The following COA3 variants were observed in gnomAD, a reference collection of about 807,000 sequenced individuals.
The protein encoded by COA3 is cytochrome c oxidase assembly factor 3 homolog, mitochondrial.
COA3 carries 10 observed loss-of-function variants against 10.1 expected under a neutral mutation model. The ratio of observed to expected loss-of-function variants is 0.99; its 90% CI spans 0.61 to 1.67. The LOEUF (loss-of-function observed/expected upper bound fraction) is 1.67. Among genes scored for constraint, COA3 ranks in the 40% most tolerant of loss-of-function variants. The pLI is 0.00. For missense variants in COA3, 142 were observed against 140.7 expected (o/e 1.01, Z -0.05); for synonymous variants, 57 against 63.1 (o/e 0.90, Z 0.46).
In COA3 at chr17:42,798,062, T is replaced by A; in HGVS notation, c.320A>T (p.Ter107LeuextTer22). Residue 107 changes from the stop codon to leucine (L), a stop_lost, in exon 2 of 2, where the codon TAA (stop) becomes TTA (leucine). Transcript: ENST00000328434. ...GGACATGATCAATACCCATCCAGATTAGGACCCTGACGCCCTTGCCAGAGC... is the reference window on the plus strand; with the variant it reads ...GGACATGATCAATACCCATCCAGATAAGGACCCTGACGCCCTTGCCAGAGC... Reference protein sequence around the residue: ...ARALARASGS* With the variant: ...ARALARASGSL The A allele has an allele frequency of 6.2e-7, 1 of 1,612,904 alleles. No homozygotes were observed. The highest frequency in any genetic ancestry group is 8.5e-7 in the Non-Finnish European group (1 of 1,178,986).
chr17:42,798,307 C>G, intron 1 of COA3, 140 bp from the exon 2 acceptor site: 1 of 934,068 alleles, frequency 1.1e-6, no homozygotes, highest in Non-Finnish European at 1.6e-6. Context: ...ACCCCAATTC[C>G]GTTATTATTA....
intron 1 of COA3, 69 bp from the exon 2 acceptor site, chr17:42,798,236 T>TCTTG (rs2054708227): frequency 8.5e-7 from 1 of 1,182,166 alleles, no homozygotes; most frequent in African/African-American, 1.5e-5. Context: ...GCTCTACCAC[T>TCTTG]CTTGTTACTC....
Position 42,797,744 on chromosome 17 carries a change from G to C in COA3, c.*317C>G, listed in dbSNP as rs1597907027. 7.9e-6 allele frequency: 2 copies of C among 252,656 alleles called. No individual in the cohort carries two copies. Among genetic ancestry groups the C allele is most frequent in the East Asian group, 1.8e-4 (2 of 10,966 alleles). The allele number at this position is 252,656 out of a possible 1,614,324, so 15.7% of individuals were successfully genotyped here. A position where few individuals can be genotyped will look rare whatever the true frequency, so the allele number is the denominator to read the frequency against. ...CTAACCTCGTAACAACTGCGTCCCTGGAAGGTGAAGGGGGTAAACCACAAA... is the reference window on the plus strand; with the variant it reads ...CTAACCTCGTAACAACTGCGTCCCTCGAAGGTGAAGGGGGTAAACCACAAA... On this transcript the variant is annotated 3_prime_UTR_variant, in exon 2 of 2. Coordinates refer to ENST00000328434, the MANE Select transcript of COA3 (RefSeq NM_001040431.3).
Position 42,797,955 on chromosome 17 carries a change from A to C in COA3, c.*106T>G. On this transcript the variant is annotated 3_prime_UTR_variant, in exon 2 of 2. Coordinates refer to ENST00000328434, the MANE Select transcript of COA3 (RefSeq NM_001040431.3). ...CAATCACGGTCCAAGGTTAGTAAGA[A>C]GGCCAACAATGTTGTGAGCAGGATT... 1 of 746,806 alleles carries C rather than the reference A, an allele frequency of 1.3e-6. No homozygotes were observed. The highest frequency in any genetic ancestry group is 2.2e-6 in the Non-Finnish European group (1 of 444,596). The allele number at this position is 746,806 out of a possible 1,614,324, so 46.3% of individuals were successfully genotyped here. A position where few individuals can be genotyped will look rare whatever the true frequency, so the allele number is the denominator to read the frequency against.
chr17:42,798,618 G>A lies in COA3; in HGVS notation c.64C>T (p.Arg22Cys). The change falls in exon 1 of 2, where the codon CGT becomes TGT. Residue 22 changes from arginine to cysteine, a missense_variant. By Grantham distance (180) the Arg-to-Cys change is radical (BLOSUM62 -3). Coordinates refer to ENST00000328434, the MANE Select transcript of COA3 (RefSeq NM_001040431.3). ...SKRGEAPFAQRIDPTREKLTP... is the reference protein window; with the variant it reads ...SKRGEAPFAQCIDPTREKLTP... ...AGCTTCTCCCGAGTCGGGTCGATAC[G>A]CTGAGCGAACGGGGCCTCTCCACGC... 1 of 1,614,164 alleles carries A rather than the reference G, an allele frequency of 6.2e-7. No homozygotes were observed. Among genetic ancestry groups the A allele is most frequent in the Non-Finnish European group, 8.5e-7 (1 of 1,180,036 alleles).
chr17:42,798,424 G>A (rs1412812242), intron 1 of COA3, 44 bp downstream of exon 1: 15 of 1,587,574 alleles, frequency 9.4e-6, no homozygotes, highest in African/African-American at 1.3e-5. Flanking sequence ...CTGTTCCCCT[G>A]CCCCTATATG....
At position 42,797,879 on chromosome 17, in the gene COA3, T is replaced by G; in HGVS notation, c.*182A>C. ...CACAGCAAGTGTGCAGTGGGCAAAG[T>G]TCTGTTCTTTTGACATTGGCCAAAT... On this transcript the variant is annotated 3_prime_UTR_variant, in exon 2 of 2. Coordinates refer to ENST00000328434, the MANE Select transcript of COA3 (RefSeq NM_001040431.3). 1.8e-6 allele frequency: 1 copy of G among 562,310 alleles called. No homozygotes were observed. The highest frequency in any genetic ancestry group is 3.2e-6 in the Non-Finnish European group (1 of 315,734). The allele number at this position is 562,310 out of a possible 1,614,324, so 34.8% of individuals were successfully genotyped here.
In COA3 at chr17:42,797,738, G is replaced by A. The variant is rs529266679; in HGVS notation, c.*323C>T. The A allele has an allele frequency of 4.1e-5, 10 of 242,772 alleles. No homozygotes were observed. The highest frequency in any genetic ancestry group is 3.5e-4 in the South Asian group (5 of 14,156). 15.0% of individuals were successfully genotyped at this position (242,772 alleles called of 1,614,324 possible). A position where few individuals can be genotyped will look rare whatever the true frequency, so the allele number is the denominator to read the frequency against. ...CCACGTCTAACCTCGTAACAACTGCGTCCCTGGAAGGTGAAGGGGGTAAAC... is the reference window on the plus strand; with the variant it reads ...CCACGTCTAACCTCGTAACAACTGCATCCCTGGAAGGTGAAGGGGGTAAAC... On this transcript the variant is annotated 3_prime_UTR_variant, in exon 2 of 2. Transcript: ENST00000328434.
rs533617789 is a variant in COA3 at position 42,797,749 on chromosome 17, G to A, written c.*312C>T. On this transcript the variant is annotated 3_prime_UTR_variant, in exon 2 of 2. Transcript: ENST00000328434. ...CTCGTAACAACTGCGTCCCTGGAAG[G>A]TGAAGGGGGTAAACCACAAAGTCAG... The A allele has an allele frequency of 1.3e-4, 33 of 262,080 alleles. No homozygotes were observed. The South Asian group carries it at 2.1e-3, about 17-fold the overall frequency. 16.2% of individuals were successfully genotyped at this position (262,080 alleles called of 1,614,324 possible). A position where few individuals can be genotyped will look rare whatever the true frequency, so the allele number is the denominator to read the frequency against.
At position 42,798,620 on chromosome 17, in the gene COA3, T is replaced by G. The variant is rs1189388499; in HGVS notation, c.62A>C (p.Gln21Pro). The change falls in exon 1 of 2, where the codon CAG becomes CCG. Residue 21 changes from glutamine to proline, a missense_variant. Transcript: ENST00000328434. ...DSKRGEAPFA[Q>P]RIDPTREKLT... ...CTTCTCCCGAGTCGGGTCGATACGC[T>G]GAGCGAACGGGGCCTCTCCACGCTT... The G allele has an allele frequency of 3.7e-6, 6 of 1,614,056 alleles. No individual in the cohort carries two copies. The highest frequency in any genetic ancestry group is 5.1e-6 in the Non-Finnish European group (6 of 1,180,040).
At position 42,798,658 on chromosome 17, in the gene COA3, G is replaced by A. The variant is rs1303756733; in HGVS notation, c.24C>T (p.Asp8=). The A allele has an allele frequency of 2.0e-5, 32 of 1,613,006 alleles. No individual in the cohort carries two copies. The highest frequency in any genetic ancestry group is 2.6e-5 in the Non-Finnish European group (31 of 1,179,168). The part of the protein sequence containing the change: MASSGAG[D]PLDSKRGEAP... Reference sequence around the variant, plus strand: ...CCTCTCCACGCTTAGAATCCAGAGGGTCACCAGCTCCCGAAGACGCCATGT... The same window carrying A: ...CCTCTCCACGCTTAGAATCCAGAGGATCACCAGCTCCCGAAGACGCCATGT... Residue 8 remains aspartate (D), a synonymous_variant, in exon 1 of 2, where the codon GAC becomes GAT. Coordinates refer to ENST00000328434, the MANE Select transcript of COA3 (RefSeq NM_001040431.3).
chr17:42,798,197 G>A, intron 1 of COA3, 30 bp from the exon 2 acceptor site: 1 of 1,441,322 alleles, frequency 6.9e-7, no homozygotes. Context: ...AAACCACACA[G>A]AATATGCACA....
In COA3 at chr17:42,798,073, C is replaced by T. The variant is rs753897220; in HGVS notation, c.309G>A (p.Ala103=). The part of the protein sequence containing the change: ...KAARARALAR[A]SGS ...ATACCCATCCAGATTAGGACCCTGA[C>T]GCCCTTGCCAGAGCTCGGGCTCGGG... Residue 103 remains alanine, a synonymous_variant, in exon 2 of 2, where the codon GCG becomes GCA. Coordinates refer to ENST00000328434, the MANE Select transcript of COA3 (RefSeq NM_001040431.3). 5 of 1,613,820 alleles carry T rather than the reference C, an allele frequency of 3.1e-6. No individual in the cohort carries two copies. Among genetic ancestry groups the T allele is most frequent in the South Asian group, 1.1e-5 (1 of 91,060 alleles).
rs779330377 is a variant in COA3, at chr17:42,798,158, G to A, written c.224C>T (p.Thr75Ile). 6 of 1,613,114 alleles carry A rather than the reference G, an allele frequency of 3.7e-6. No individual in the cohort carries two copies. The highest frequency in any genetic ancestry group is 5.1e-6 in the Non-Finnish European group (6 of 1,179,274). ...ACGCTCCTGGGAAATCGAGTAGAAG[G>A]TGTAACCATCTGGGGAGGTAGGTTC... ...GALVLAIYGYTFYSISQERFL... is the reference protein window; with the variant it reads ...GALVLAIYGYIFYSISQERFL... Residue 75 changes from threonine to isoleucine, a missense_variant, in exon 2 of 2, where the codon ACC becomes ATC. Transcript: ENST00000328434.
intron 1 of COA3, 73 bp from the exon 2 acceptor site, chr17:42,798,240 G>A: frequency 3.4e-6 from 4 of 1,170,900 alleles, no homozygotes; most frequent in Non-Finnish European, 5.1e-6. Flanking sequence ...TACCACTCTT[G>A]TTACTCTCCC....
Position 42,798,503 on chromosome 17 carries a change from GT to G in COA3, c.178del (p.Thr60ProfsTer3). 1 of 1,613,840 alleles carries G rather than the reference GT, an allele frequency of 6.2e-7. No homozygotes were observed. The highest frequency in any genetic ancestry group is 8.5e-7 in the Non-Finnish European group (1 of 1,180,030). On this transcript the variant is annotated frameshift_variant, in exon 1 of 2. Transcript: ENST00000328434. LOFTEE classifies it high-confidence loss of function. ...CACCAGGGCCCCGATGCCTAGGCCG[GT>G]CACGATGTTCCGGGTTCGCCGCCGT... ...LPRRRTRNIV[T>X]GLGIGALVLA... is the part of the protein sequence containing the mutation.
At chr17:42,798,367 C>A in intron 1 of COA3, 101 bp downstream of exon 1, 1 of 1,183,936 alleles carries the variant, frequency 8.4e-7, no homozygotes, top group Non-Finnish European at 1.2e-6. Flanking sequence ...AAAGTACTAC[C>A]CATTTTACCC....
Position 42,798,651 on chromosome 17 carries a change from C to T in COA3, c.31G>A (p.Asp11Asn). The T allele has an allele frequency of 1.2e-6, 2 of 1,613,608 alleles. No individual in the cohort carries two copies. The highest frequency in any genetic ancestry group is 1.7e-6 in the Non-Finnish European group (2 of 1,179,592). The change falls in exon 1 of 2, where the codon GAT becomes AAT. Residue 11 changes from aspartate to asparagine, a missense_variant. Transcript: ENST00000328434. MASSGAGDPL[D>N]SKRGEAPFAQ... ...AACGGGGCCTCTCCACGCTTAGAAT[C>T]CAGAGGGTCACCAGCTCCCGAAGAC...
At position 42,798,036 on chromosome 17, in the gene COA3, T is replaced by G; in HGVS notation, c.*25A>C. The G allele has an allele frequency of 1.3e-6, 2 of 1,536,078 alleles. No individual in the cohort carries two copies. Among genetic ancestry groups the G allele is most frequent in the Non-Finnish European group, 1.8e-6 (2 of 1,109,936 alleles). On this transcript the variant is annotated 3_prime_UTR_variant, in exon 2 of 2. Transcript: ENST00000328434. ...ACCATGTGAAGGGGCTCCAGCAGGT[T>G]GGACATGATCAATACCCATCCAGAT...
Sources: allele counts gnomAD v4.1 joint callset, GRCh38; gene constraint gnomAD v4.1.1; transcripts MANE v1.5; gene names NCBI Gene and HGNC (gene_info 2026-07-23, HGNC 2026-07-21).